RASSF5: variants seen among roughly 807,000 people sequenced by gnomAD.
The protein encoded by RASSF5 is Ras association domain family member 5, also known as ras association domain-containing protein 5.
In RASSF5, 25 loss-of-function variants were observed where a neutral mutation model predicts 40.5. The observed-to-expected ratio is 0.62, with a 90% CI of 0.45 to 0.86. The LOEUF is 0.86. Ranked by LOEUF, RASSF5 falls within the 40% of genes least tolerant of loss-of-function variation. The probability of loss-of-function intolerance (pLI) is 0.00; values close to 1 mark genes in which losing one functional copy is unlikely to be tolerated. For missense variants in RASSF5, 521 were observed against 572.8 expected, an observed-to-expected ratio of 0.91 and a Z score of 0.92; for synonymous variants, 246 against 252.4, an observed-to-expected ratio of 0.97 and a Z score of 0.24.
intron 2 of RASSF5, among the ~76,000 whole-genome samples, chr1:206,551,410 C>T (rs1357989480): frequency 6.6e-6 from 1 of 152,176 alleles, no homozygotes; most frequent in Admixed American, 6.5e-5. Flanking sequence ...CTTACCCTGG[C>T]TAGGCCGTCC....
chr1:206,547,486 A>T (rs781858269), intron 2 of RASSF5, among the ~76,000 whole-genome samples: 1 of 151,902 alleles, frequency 6.6e-6, no homozygotes, highest in Non-Finnish European at 1.5e-5. Flanking sequence ...CTAATGGCTG[A>T]TGATCTGTCA....
intron 1 of RASSF5, among the ~76,000 whole-genome samples, chr1:206,524,848 C>T (rs1332187588): frequency 6.6e-6 from 1 of 151,014 alleles, no homozygotes; most frequent in Non-Finnish European, 1.5e-5. Context: ...GTTTATAATA[C>T]ACATGCACAC....
chr1:206,523,457 A>G (rs1403611715), intron 1 of RASSF5, among the ~76,000 whole-genome samples: 2 of 115,882 alleles, frequency 1.7e-5, no homozygotes, highest in East Asian at 4.1e-4. Flanking sequence ...TATATAATAT[A>G]TTAAATATAT....
At chr1:206,556,378 G>GT (rs1667987174) in intron 2 of RASSF5, among the ~76,000 whole-genome samples, 1 of 152,352 alleles carries the variant, frequency 6.6e-6, no homozygotes, top group South Asian at 2.1e-4. Context: ...TGCACAGAGA[G>GT]TTGTTCAAAC....
At position 206,547,216 on chromosome 1, in the gene RASSF5, C is replaced by T. The variant is rs113658581; in HGVS notation, c.579+8923C>T. Among the ~76,000 whole-genome samples the T allele has an allele frequency of 5.6e-3, 850 of 152,274 alleles. 10 individuals carry two copies. The highest frequency in any genetic ancestry group is 0.019 in the African/African-American group (795 of 41,542). ...CCATTCTTGTCCTGTATTTTATTTT[C>T]GCATATACTACAAGCCAGGGGTCCC... On this transcript the variant is annotated intron_variant, in intron 2 of 5. Transcript: ENST00000579436.
In RASSF5 at chr1:206,579,571, A is replaced by T. The variant is rs143741627; in HGVS notation, c.580-3698A>T. On this transcript the variant is annotated intron_variant, in intron 2 of 5. Transcript: ENST00000579436. This position sits in a 1 kb window ranked among gnomAD's most constrained non-coding sequence, Gnocchi z 4.2. The stretch of plus-strand genomic sequence containing the variant: ...CACCAAGTGTTAATTCAGCAGCTGG[A>T]TGAAGACCCTTGAGGTCTGGAATTG... 8.9e-4 allele frequency among the ~76,000 whole-genome samples: 136 copies of T among 152,302 alleles called. No individual in the cohort carries two copies. Among genetic ancestry groups the T allele is most frequent in the African/African-American group, 3.2e-3 (134 of 41,568 alleles).
intron 2 of RASSF5, among the ~76,000 whole-genome samples, chr1:206,540,483 T>A (rs371986315): frequency 1.2e-4 from 19 of 152,376 alleles, no homozygotes; most frequent in African/African-American, 4.1e-4. Context: ...GAACCCCGCG[T>A]GGGAGCTGAA....
In RASSF5 at chr1:206,552,189, C is replaced by A. The variant is rs1417764079; in HGVS notation, c.579+13896C>A. Among the ~76,000 whole-genome samples the A allele has an allele frequency of 1.3e-5, 2 of 152,190 alleles. No homozygotes were observed. Among genetic ancestry groups the A allele is most frequent in the Non-Finnish European group, 2.9e-5 (2 of 68,026 alleles). ...GTCTAACCTAAATGGTGTGCCACCACTCACCTCTTACAACAGGAAGTCATC... is the reference window on the plus strand; with the variant it reads ...GTCTAACCTAAATGGTGTGCCACCAATCACCTCTTACAACAGGAAGTCATC... On this transcript the variant is annotated intron_variant, in intron 2 of 5. Transcript: ENST00000579436. The surrounding 1 kb of genome is among the most constrained non-coding windows in gnomAD (Gnocchi z 4.1).
At chr1:206,562,876 C>T (rs999085134) in intron 2 of RASSF5, among the ~76,000 whole-genome samples, 1 of 151,656 alleles carries the variant, frequency 6.6e-6, no homozygotes, top group African/African-American at 2.4e-5. Flanking sequence ...AAGCCAAGAT[C>T]GTGCCACTGC....
chr1:206,578,232 A>AGTGTGTGTG lies in RASSF5; in HGVS notation c.580-5037_580-5036insGTGTGTGTG, dbSNP rs1553405555. On this transcript the variant is annotated intron_variant, in intron 2 of 5. Transcript: ENST00000579436. ...CAGAGGGAGACATCTCAAAAAAAAA[A>AGTGTGTGTG]AGTGTGTGTGTGTGTGTGTGTGTGT... Among the ~76,000 whole-genome samples, 559 of 130,478 alleles carry AGTGTGTGTG rather than the reference A, an allele frequency of 4.3e-3. 4 individuals are homozygous for AGTGTGTGTG. Among genetic ancestry groups the AGTGTGTGTG allele is most frequent in the African/African-American group, 0.016 (527 of 33,524 alleles). 85.6% of individuals were successfully genotyped at this position (130,478 alleles called of 152,430 possible).
chr1:206,550,334 G>A (rs572839818), intron 2 of RASSF5, among the ~76,000 whole-genome samples: 31 of 152,254 alleles, frequency 2.0e-4, no homozygotes, highest in Admixed American at 6.5e-4. Flanking sequence ...ATCCTGATTC[G>A]TACTAGTTCA....
chr1:206,555,237 C>A (rs959657294), intron 2 of RASSF5, among the ~76,000 whole-genome samples: 1 of 152,256 alleles, frequency 6.6e-6, no homozygotes, highest in East Asian at 1.9e-4. Context: ...AGGAGAGATT[C>A]ATGCTGACTC....
At chr1:206,578,232 A>AGTGTGTGTGTG (rs1553405555) in intron 2 of RASSF5, among the ~76,000 whole-genome samples, 27 of 130,520 alleles carry the variant, frequency 2.1e-4, no homozygotes, top group African/African-American at 8.0e-4. Flanking sequence ...CAAAAAAAAA[A>AGTGTGTGTGTG]AGTGTGTGTG....
chr1:206,508,235 T>G (rs1238619915), intron 1 of RASSF5, among the ~76,000 whole-genome samples, 176 bp downstream of exon 1: 8 of 152,122 alleles, frequency 5.3e-5, no homozygotes, highest in Non-Finnish European at 1.2e-4. Flanking sequence ...CCCTGCCCGG[T>G]ATCCTTTAGT....
At chr1:206,510,337 C>A (rs1666584024) in intron 1 of RASSF5, among the ~76,000 whole-genome samples, 1 of 152,084 alleles carries the variant, frequency 6.6e-6, no homozygotes, top group Admixed American at 6.5e-5. Flanking sequence ...ACCACTTAGT[C>A]CCCACGTGAG....
intron 2 of RASSF5, among the ~76,000 whole-genome samples, chr1:206,546,086 TCTA>T (rs1558507502): frequency 3.5e-5 from 4 of 112,738 alleles, no homozygotes; most frequent in African/African-American, 6.7e-5. Context: ...TTCTTCTTTT[TCTA>T]TTTTTTTTTT....
chr1:206,532,202 T>A (rs916576693), intron 1 of RASSF5, among the ~76,000 whole-genome samples: 2 of 152,128 alleles, frequency 1.3e-5, no homozygotes, highest in East Asian at 3.8e-4. Flanking sequence ...ATAAGGTTGG[T>A]GAGACTCAGG....
chr1:206,586,720 G>C, intron 5 of RASSF5, 106 bp from the exon 6 acceptor site: 1 of 847,564 alleles, frequency 1.2e-6, no homozygotes, highest in Non-Finnish European at 1.9e-6. Flanking sequence ...TGTGAATCAC[G>C]GATGTGAACT....
intron 1 of RASSF5, among the ~76,000 whole-genome samples, chr1:206,511,093 G>A (rs1354252347): frequency 6.6e-6 from 1 of 152,252 alleles, no homozygotes; most frequent in Non-Finnish European, 1.5e-5. Context: ...TGCTGGATTT[G>A]TGAACAGGGA....
Sources: gnomAD v4.1 joint callset for allele counts (sites outside exome capture counted in the v4.1 genomes callset) on GRCh38, gnomAD v4.1.1 for gene constraint, Gnocchi (gnomAD v3.1) non-coding constraint, MANE v1.5 for transcripts, NCBI Gene and HGNC (gene_info 2026-07-23, HGNC 2026-07-21) for gene names.